ZC2HC1B: variants seen among roughly 807,000 people sequenced by gnomAD.
ZC2HC1B encodes zinc finger C2HC-type containing 1B.
ZC2HC1B carries 36 observed loss-of-function variants against 31.0 expected under a neutral mutation model. That is an observed-to-expected ratio of 1.16 (90% CI 0.89 to 1.54). The LOEUF (loss-of-function observed/expected upper bound fraction) is 1.54, where lower values mean the gene tolerates loss of function less well. Ranked by LOEUF, ZC2HC1B falls within the 40% of genes most tolerant of loss-of-function variation. The pLI, the probability that ZC2HC1B is intolerant of heterozygous loss-of-function variation, is 0.00. For synonymous variants in ZC2HC1B, 73 were observed against 88.0 expected (o/e 0.83, Z 0.95); for missense variants, 260 against 268.6 (o/e 0.97, Z 0.22).
chr6:143,879,815 T>C (rs1268423795), intron 1 of ZC2HC1B, among the ~76,000 whole-genome samples: 1 of 148,140 alleles, frequency 6.8e-6, no homozygotes, highest in Non-Finnish European at 1.5e-5. Flanking sequence ...CCTGCTCAAG[T>C]TGTCCCTGAT....
chr6:143,909,530 C>CT (rs573480397), intron 6 of ZC2HC1B, among the ~76,000 whole-genome samples: 7,104 of 127,140 alleles, frequency 0.056, 355 homozygotes, highest in African/African-American at 0.12. Flanking sequence ...TGGTCCTGGG[C>CT]TTTTTTTTTT....
intron 6 of ZC2HC1B, among the ~76,000 whole-genome samples, chr6:143,914,379 A>C (rs976256716): frequency 2.6e-5 from 4 of 152,146 alleles, no homozygotes; most frequent in Non-Finnish European, 5.9e-5. Context: ...ATTTCCACAA[A>C]TTTATGAATT....
intron 1 of ZC2HC1B, among the ~76,000 whole-genome samples, chr6:143,873,171 C>T (rs541606332): frequency 2.0e-5 from 3 of 152,214 alleles, no homozygotes; most frequent in Admixed American, 2.0e-4. Context: ...AAAGGGGTTA[C>T]AGGGCCCATG....
intron 4 of ZC2HC1B, among the ~76,000 whole-genome samples, chr6:143,889,157 G>A (rs1410665592): frequency 6.6e-6 from 1 of 151,916 alleles, no homozygotes; most frequent in Non-Finnish European, 1.5e-5. Flanking sequence ...TCATTTAAAG[G>A]TAGACTATCA....
In ZC2HC1B at chr6:143,898,417, T is replaced by C. The variant is rs983486213; in HGVS notation, c.350-135T>C. ...CTCAAGCAGTCCACTCACCTCAGCC[T>C]CACAGAGTGCTGGGATTACTGGCAT... is the stretch of plus-strand genomic sequence containing the variant. On this transcript the variant is annotated intron_variant, in intron 4 of 7. Coordinates refer to ENST00000237275, the MANE Select transcript of ZC2HC1B (RefSeq NM_001013623.3). 7.7e-6 allele frequency: 9 copies of C among 1,163,364 alleles called. No homozygotes were observed. In the African/African-American group the frequency reaches 1.4e-4, roughly 18 times the overall value. The allele number at this position is 1,163,364 out of a possible 1,614,324, so 72.1% of individuals were successfully genotyped here.
intron 6 of ZC2HC1B, among the ~76,000 whole-genome samples, chr6:143,925,402 C>T (rs1778023972): frequency 6.6e-6 from 1 of 151,744 alleles, no homozygotes; most frequent in Non-Finnish European, 1.5e-5. Context: ...GTCTCGATCT[C>T]CTGACTTCGT....
rs185062797 is a variant in ZC2HC1B at position 143,889,931 on chromosome 6, A to G, written c.349+3110A>G. Among the ~76,000 whole-genome samples, 58 of 152,302 alleles carry G rather than the reference A, an allele frequency of 3.8e-4. No homozygotes were observed. In the East Asian group the frequency reaches 0.01, roughly 27 times the overall value. ...TACAGGACCACAAAGTAGGTCTCAA[A>G]TTTAGAATTGAAATCATACATAATA... On this transcript the variant is annotated intron_variant, in intron 4 of 7. Transcript: ENST00000237275.
chr6:143,903,085 C>G lies in ZC2HC1B; in HGVS notation c.531C>G (p.Thr177=). The change falls in exon 6 of 8, where the codon ACC becomes ACG. Residue 177 remains threonine, a synonymous_variant. Transcript: ENST00000237275. This position sits in a 1 kb window ranked among gnomAD's most constrained non-coding sequence, Gnocchi z 4.3. The part of the protein sequence containing the change: ...QMGPKKEPTV[T]SAVGALLQNR... Reference sequence around the variant, plus strand: ...GTCCAAAAAAAGAACCAACTGTTACCAGTGCTGTGGGAGCTTTGCTGCAGA... The same window carrying G: ...GTCCAAAAAAAGAACCAACTGTTACGAGTGCTGTGGGAGCTTTGCTGCAGA... 1 of 1,551,928 alleles carries G rather than the reference C, an allele frequency of 6.4e-7. No homozygotes were observed. Among genetic ancestry groups the G allele is most frequent in the Non-Finnish European group, 8.7e-7 (1 of 1,147,026 alleles).
intron 6 of ZC2HC1B, among the ~76,000 whole-genome samples, chr6:143,904,429 A>G (rs1319136316): frequency 1.3e-5 from 2 of 152,016 alleles, no homozygotes; most frequent in African/African-American, 2.4e-5. Context: ...TGGCACAATC[A>G]TAGCTCACTG....
chr6:143,935,242 A>G (rs1233536564), intron 6 of ZC2HC1B, among the ~76,000 whole-genome samples: 1 of 152,040 alleles, frequency 6.6e-6, no homozygotes, highest in African/African-American at 2.4e-5. Context: ...AGCTGACCAC[A>G]GGCAGGGTGA....
intron 4 of ZC2HC1B, among the ~76,000 whole-genome samples, chr6:143,890,347 A>G (rs1237125775): frequency 7.9e-5 from 12 of 151,810 alleles, no homozygotes; most frequent in Non-Finnish European, 1.5e-5. Flanking sequence ...CTCAATAGAG[A>G]AAAAGCCTTC....
intron 4 of ZC2HC1B, among the ~76,000 whole-genome samples, chr6:143,890,394 A>G (rs1777585644): frequency 1.3e-5 from 2 of 149,826 alleles, no homozygotes; most frequent in South Asian, 2.1e-4. Flanking sequence ...AAAACAATAC[A>G]ATACAAAAAA....
Position 143,911,436 on chromosome 6 carries a change from T to G in ZC2HC1B, c.598+8284T>G, listed in dbSNP as rs971170641. ...TTTCCTTTCCATACTTAGTGCTTCC[T>G]TCAGGAGCTCTTGCAAGGCAGGTCT... On this transcript the variant is annotated intron_variant, in intron 6 of 7. Coordinates refer to ENST00000237275, the MANE Select transcript of ZC2HC1B (RefSeq NM_001013623.3). This position sits in a 1 kb window ranked among gnomAD's most constrained non-coding sequence, Gnocchi z 4.5. Among the ~76,000 whole-genome samples, 1 of 152,238 alleles carries G rather than the reference T, an allele frequency of 6.6e-6. No homozygotes were observed. The highest frequency in any genetic ancestry group is 1.5e-5 in the Non-Finnish European group (1 of 68,048).
At chr6:143,866,730 G>A (rs2128492743) in intron 1 of ZC2HC1B, among the ~76,000 whole-genome samples, 1 of 152,276 alleles carries the variant, frequency 6.6e-6, no homozygotes, top group African/African-American at 2.4e-5. Flanking sequence ...ACATTGGTAT[G>A]CTTTATCAGT....
At chr6:143,904,396 C>T (rs528979586) in intron 6 of ZC2HC1B, among the ~76,000 whole-genome samples, 3 of 152,134 alleles carry the variant, frequency 2.0e-5, no homozygotes, top group Middle Eastern at 3.4e-3. Context: ...GACAGGGTCT[C>T]TGTTGCCCAG....
rs555653786 is a variant in ZC2HC1B at position 143,899,098 on chromosome 6, G to A, written c.489+407G>A. Among the ~76,000 whole-genome samples the A allele has an allele frequency of 6.6e-6, 1 of 152,326 alleles. No individual in the cohort carries two copies. Among genetic ancestry groups the A allele is most frequent in the African/African-American group, 2.4e-5 (1 of 41,588 alleles). On this transcript the variant is annotated intron_variant, in intron 5 of 7. Coordinates refer to ENST00000237275, the MANE Select transcript of ZC2HC1B (RefSeq NM_001013623.3). This position sits in a 1 kb window ranked among gnomAD's most constrained non-coding sequence, Gnocchi z 5.0. ...CAGGTCATGTGTTTTGCTCTATAGA[G>A]GAGGGGTCTTCACCTTTTATTTAAA...
intron 4 of ZC2HC1B, among the ~76,000 whole-genome samples, chr6:143,897,752 C>T (rs1777684121): frequency 6.6e-6 from 1 of 152,124 alleles, no homozygotes; most frequent in Admixed American, 6.6e-5. Context: ...GCCAGTGACA[C>T]AGTCCCATTG....
At chr6:143,890,545 A>T (rs1309686265) in intron 4 of ZC2HC1B, among the ~76,000 whole-genome samples, 1 of 152,172 alleles carries the variant, frequency 6.6e-6, no homozygotes, top group Non-Finnish European at 1.5e-5. Flanking sequence ...AAAAACAAGG[A>T]TATTCATTCT....
intron 6 of ZC2HC1B, among the ~76,000 whole-genome samples, chr6:143,930,886 C>G (rs926184152): frequency 2.0e-4 from 31 of 152,012 alleles, no homozygotes; most frequent in African/African-American, 6.8e-4. Context: ...TCTGTAAGGT[C>G]CATTTGGTCT....
Sources: allele counts gnomAD v4.1 joint callset (sites outside exome capture counted in the v4.1 genomes callset), GRCh38; gene constraint gnomAD v4.1.1; non-coding constraint Gnocchi (gnomAD v3.1); transcripts MANE v1.5; gene names NCBI Gene and HGNC (gene_info 2026-07-23, HGNC 2026-07-21).